Variants in HPSE2 observed in about 807,000 individuals in gnomAD.
HPSE2 encodes inactive heparanase-2.
HPSE2 carries 38 observed loss-of-function variants against 60.5 expected under a neutral mutation model. The ratio of observed to expected loss-of-function variants is 0.63; its 90% confidence interval spans 0.48 to 0.82. HPSE2 has a LOEUF of 0.82. Among genes scored for constraint, HPSE2 ranks in the 40% least tolerant of loss-of-function variants. The pLI is 0.00. For missense variants in HPSE2, 713 were observed against 740.4 expected (o/e 0.96, Z 0.43); for synonymous variants, 295 against 293.2 (o/e 1.01, Z -0.06).
chr10:99,215,622 T>G (rs1849093593), intron 2 of HPSE2, among the ~76,000 whole-genome samples: 1 of 152,190 alleles, frequency 6.6e-6, no homozygotes, highest in African/African-American at 2.4e-5. Flanking sequence ...GAATTTAAAG[T>G]AAAATAAAAT....
rs189679423 is a variant in HPSE2 at position 98,469,938 on chromosome 10, T to C, written c.1614-10199A>G. ...TTTCTCATAATCCCATCTCCTATAT[T>C]TACCCTTAGGTGGTCTGTTTTGTCT... On this transcript the variant is annotated intron_variant, in intron 11 of 11. Transcript: ENST00000370552. Among the ~76,000 whole-genome samples the C allele has an allele frequency of 2.1e-3, 318 of 152,350 alleles. 1 individual carries two copies. The highest frequency in any genetic ancestry group is 7.2e-3 in the African/African-American group (301 of 41,578).
intron 3 of HPSE2, among the ~76,000 whole-genome samples, chr10:99,110,105 G>A (rs1221652201): frequency 2.0e-5 from 3 of 152,178 alleles, no homozygotes; most frequent in Admixed American, 6.5e-5. Flanking sequence ...ATATTAGTTC[G>A]TTGGTTTTTC....
chr10:98,570,913 A>C (rs1944476203), intron 9 of HPSE2, among the ~76,000 whole-genome samples: 1 of 152,200 alleles, frequency 6.6e-6, no homozygotes, highest in South Asian at 2.1e-4. Context: ...TTGCATGTTT[A>C]AAGTTCGTAG....
chr10:98,695,492 A>C (rs908291599), intron 5 of HPSE2, among the ~76,000 whole-genome samples: 11 of 152,216 alleles, frequency 7.2e-5, no homozygotes, highest in Admixed American at 1.3e-4. Context: ...CTACGTACCT[A>C]CTGAGTGCCA....
chr10:98,662,051 T>C (rs1242438061), intron 6 of HPSE2, among the ~76,000 whole-genome samples: 4 of 152,210 alleles, frequency 2.6e-5, no homozygotes, highest in African/African-American at 9.6e-5. Context: ...CGTGCCACCA[T>C]GCCCGGCTAA....
At chr10:98,939,398 C>A (rs1466889841) in intron 3 of HPSE2, among the ~76,000 whole-genome samples, 2 of 142,866 alleles carry the variant, frequency 1.4e-5, no homozygotes, top group Non-Finnish European at 3.0e-5. Flanking sequence ...ATCTACCAAG[C>A]AAATGGAAAA....
intron 9 of HPSE2, among the ~76,000 whole-genome samples, chr10:98,531,679 A>C (rs1943135736): frequency 6.6e-6 from 1 of 152,196 alleles, no homozygotes; most frequent in Non-Finnish European, 1.5e-5. Flanking sequence ...CAGCCTTATC[A>C]GGCATGTGGG....
intron 4 of HPSE2, among the ~76,000 whole-genome samples, chr10:98,735,873 G>C (rs1228987842): frequency 6.6e-6 from 1 of 152,178 alleles, no homozygotes; most frequent in African/African-American, 2.4e-5. Context: ...TAGGCAGAAG[G>C]GAATTGCCTT....
rs66562418 is a variant in HPSE2, at chr10:99,086,346, C to CTTTTTTTTTTTTTTTT, written c.610+57876_610+57891dup. Among the ~76,000 whole-genome samples, 17 of 82,996 alleles carry CTTTTTTTTTTTTTTTT rather than the reference C, an allele frequency of 2.0e-4. 1 individual carries two copies. In the East Asian group the frequency reaches 2.6e-3, roughly 13 times the overall value. The allele number at this position is 82,996 out of a possible 152,430, so 54.4% of individuals were successfully genotyped here. Reference sequence around the variant, plus strand: ...AGGTGGTAATACGGAAAAGTACTTTCTTTTTTTTTTTTTTTTTTTTTTTTG... The same window carrying CTTTTTTTTTTTTTTTT: ...AGGTGGTAATACGGAAAAGTACTTTCTTTTTTTTTTTTTTTTTTTTTTTTTTTTTTTTTTTTTTTTG... On this transcript the variant is annotated intron_variant, in intron 3 of 11. Transcript: ENST00000370552.
chr10:99,040,577 G>GTA (rs1360503126), intron 3 of HPSE2, among the ~76,000 whole-genome samples: 3 of 151,586 alleles, frequency 2.0e-5, no homozygotes, highest in Non-Finnish European at 4.4e-5. Context: ...AAACTGAAGT[G>GTA]TACTTTTATG....
chr10:99,275,315 A>G, the HPSE2 span, among the ~76,000 whole-genome samples: 1 of 152,118 alleles, frequency 6.6e-6, no homozygotes, highest in African/African-American at 2.4e-5. Flanking sequence ...CCTCTTTAGT[A>G]CATCTCTGTT....
intron 3 of HPSE2, among the ~76,000 whole-genome samples, chr10:99,117,435 A>T (rs938837800): frequency 7.1e-6 from 1 of 140,292 alleles, no homozygotes; most frequent in Non-Finnish European, 1.6e-5. Context: ...AAAAAAAAAA[A>T]AAAAAAAAAA....
At chr10:98,545,318 T>A (rs980653978) in intron 9 of HPSE2, among the ~76,000 whole-genome samples, 2 of 152,088 alleles carry the variant, frequency 1.3e-5, no homozygotes, top group African/African-American at 4.8e-5. Context: ...GCCAGCATCA[T>A]CCTGATACCA....
chr10:99,148,712 A>C (rs7072550), intron 2 of HPSE2, among the ~76,000 whole-genome samples: 77,360 of 151,850 alleles, frequency 0.51, 21,496 homozygotes, highest in East Asian at 0.65. Context: ...ATCACTTGAA[A>C]TTGGGAGGCA....
At chr10:98,922,619 A>T (rs1412197467) in intron 3 of HPSE2, among the ~76,000 whole-genome samples, 5 of 152,210 alleles carry the variant, frequency 3.3e-5, no homozygotes, top group Admixed American at 1.3e-4. Flanking sequence ...TGGTGAAGGT[A>T]TCCAGCTTTC....
At position 98,459,285 on chromosome 10, in the gene HPSE2, C is replaced by A. The variant is rs912318035; in HGVS notation, c.*289G>T. 1 of 428,336 alleles carries A rather than the reference C, an allele frequency of 2.3e-6. No homozygotes were observed. Among genetic ancestry groups the A allele is most frequent in the Non-Finnish European group, 4.4e-6 (1 of 229,204 alleles). 26.5% of individuals were successfully genotyped at this position (428,336 alleles called of 1,614,324 possible). ...ATTTCTCCTGGGAGTGTGCTGTCAG[C>A]TCGTTTTCATAGTGCACATGAAGGG... On this transcript the variant is annotated 3_prime_UTR_variant, in exon 12 of 12. Coordinates refer to ENST00000370552, the MANE Select transcript of HPSE2 (RefSeq NM_021828.5).
intron 9 of HPSE2, among the ~76,000 whole-genome samples, chr10:98,614,153 T>C (rs865944659): frequency 3.3e-5 from 5 of 152,300 alleles, no homozygotes; most frequent in Admixed American, 6.5e-5. Context: ...CACTCCCCCA[T>C]CTGCTTTCAA....
rs1200180467 is a variant in HPSE2 at position 99,153,714 on chromosome 10, C to T, written c.449-9315G>A. 7.9e-5 allele frequency among the ~76,000 whole-genome samples: 12 copies of T among 152,346 alleles called. No individual in the cohort carries two copies. In the South Asian group the frequency reaches 2.1e-3, roughly 26 times the overall value. ...GAGCGCCTCTCCTCCTCCAAAGGAA[C>T]GCAGTTCCTCACCAGCAACAGAACA... On this transcript the variant is annotated intron_variant, in intron 2 of 11. Coordinates refer to ENST00000370552, the MANE Select transcript of HPSE2 (RefSeq NM_021828.5).
chr10:99,146,511 A>C (rs1258982379), intron 2 of HPSE2, among the ~76,000 whole-genome samples: 1 of 152,216 alleles, frequency 6.6e-6, no homozygotes, highest in African/African-American at 2.4e-5. Flanking sequence ...CTCTATGTCT[A>C]AAATATAGAC....
Sources: gnomAD v4.1 joint callset for allele counts (sites outside exome capture counted in the v4.1 genomes callset) on GRCh38, gnomAD v4.1.1 for gene constraint, MANE v1.5 for transcripts, NCBI Gene and HGNC (gene_info 2026-07-23, HGNC 2026-07-21) for gene names.